SEC61A1: variants seen among roughly 807,000 people sequenced by gnomAD.
The protein encoded by SEC61A1 is SEC61 translocon subunit alpha 1.
In SEC61A1, 15 loss-of-function variants were observed where a neutral mutation model predicts 55.2. The observed-to-expected ratio is 0.27, with a 90% CI of 0.18 to 0.42. The LOEUF (loss-of-function observed/expected upper bound fraction) is 0.42, where lower values mean the gene tolerates loss of function less well. Ranked by LOEUF, SEC61A1 falls within the 10% of genes least tolerant of loss-of-function variation. The probability of loss-of-function intolerance (pLI) is 1.00; values close to 1 mark genes in which losing one functional copy is unlikely to be tolerated. For missense variants in SEC61A1, 284 were observed against 602.6 expected, an observed-to-expected ratio of 0.47 and a Z score of 5.53; for synonymous variants, 247 against 234.0, an observed-to-expected ratio of 1.06 and a Z score of -0.51.
intron 2 of SEC61A1, 116 bp downstream of exon 2, chr3:128,053,018 C>T: frequency 2.7e-6 from 2 of 730,718 alleles, no homozygotes; most frequent in Non-Finnish European, 4.6e-6. Flanking sequence ...CCTTCTCTTC[C>T]CTTGGAGTGT....
At chr3:128,053,772 C>T (rs1446767539) in intron 2 of SEC61A1, among the ~76,000 whole-genome samples, 2 of 152,190 alleles carry the variant, frequency 1.3e-5, no homozygotes, top group Non-Finnish European at 2.9e-5. Context: ...TAGGTCCCAC[C>T]CTTTACATAG....
upstream of SEC61A1, chr3:128,052,243 C>CCG: frequency 3.1e-6 from 1 of 322,614 alleles, no homozygotes; most frequent in Non-Finnish European, 5.5e-6. Context: ...CCGGCGGGCC[C>CCG]CGCGCGCCAG....
upstream of SEC61A1, chr3:128,052,425 C>T (rs971015098): frequency 8.0e-6 from 10 of 1,253,394 alleles, no homozygotes; most frequent in Admixed American, 2.1e-4. Flanking sequence ...CGCTTGCCGC[C>T]GGGCTAGCAC....
intron 4 of SEC61A1, 111 bp downstream of exon 4, chr3:128,055,862 T>C (rs1941762262): frequency 6.9e-6 from 6 of 871,816 alleles, no homozygotes; most frequent in Non-Finnish European, 9.3e-6. Context: ...ACTTGGAAAA[T>C]AGAGTGAAGA....
intron 4 of SEC61A1, 100 bp from the exon 5 acceptor site, chr3:128,056,609 A>G (rs1941774018): frequency 3.7e-6 from 4 of 1,079,988 alleles, no homozygotes; most frequent in Non-Finnish European, 5.1e-6. Flanking sequence ...CATTGGTTTT[A>G]TATAAGGGGT....
intron 4 of SEC61A1, among the ~76,000 whole-genome samples, chr3:128,056,048 A>G (rs1006229004): frequency 5.3e-5 from 8 of 152,238 alleles, no homozygotes; most frequent in African/African-American, 1.7e-4. Context: ...AATACCTGAA[A>G]TGATGACATT....
At position 128,071,142 on chromosome 3, in the gene SEC61A1, T is replaced by G. The variant is rs1029917605; in HGVS notation, c.*1480T>G. 4 of 152,354 alleles carry G rather than the reference T, an allele frequency of 2.6e-5. No homozygotes were observed. The highest frequency in any genetic ancestry group is 7.2e-5 in the African/African-American group (3 of 41,446). 9.4% of individuals were successfully genotyped at this position (152,354 alleles called of 1,614,324 possible). A position where few individuals can be genotyped will look rare whatever the true frequency, so the allele number is the denominator to read the frequency against. On this transcript the variant is annotated 3_prime_UTR_variant, in exon 12 of 12. Transcript: ENST00000243253. ...CACACTCTGGAGACCTTGCTGGCAG[T>G]GCTAGCCAGGAAACAGAGTGACCAA...
rs754518825 is a variant in SEC61A1, at chr3:128,056,698, G to C, written c.221-11G>C. The C allele has an allele frequency of 6.6e-7, 1 of 1,516,490 alleles. No homozygotes were observed. The highest frequency in any genetic ancestry group is 1.3e-5 in the South Asian group (1 of 76,186). 93.9% of individuals were successfully genotyped at this position (1,516,490 alleles called of 1,614,324 possible). A position where few individuals can be genotyped will look rare whatever the true frequency, so the allele number is the denominator to read the frequency against. Reference sequence around the variant, plus strand: ...CTGATATTGACTGTTTTGCTTCCCCGTTTCCTCAAGGCACATTGATGGAGC... The same window carrying C: ...CTGATATTGACTGTTTTGCTTCCCCCTTTCCTCAAGGCACATTGATGGAGC... On this transcript the variant is annotated splice_polypyrimidine_tract_variant and intron_variant, in intron 4 of 11. Transcript: ENST00000243253.
At chr3:128,053,383 G>A (rs1409497638) in intron 2 of SEC61A1, among the ~76,000 whole-genome samples, 2 of 152,176 alleles carry the variant, frequency 1.3e-5, no homozygotes, top group Non-Finnish European at 2.9e-5. Context: ...GGGGAATAAA[G>A]GCTATTCTTT....
At chr3:128,064,808 C>A in intron 7 of SEC61A1, 69 bp from the exon 8 acceptor site, 2 of 1,393,112 alleles carry the variant, frequency 1.4e-6, no homozygotes, top group African/African-American at 1.4e-5. Context: ...TATTTGTCTG[C>A]TAAGAAGGCT....
chr3:128,051,970 G>C, upstream of SEC61A1: 3 of 1,302,600 alleles, frequency 2.3e-6, no homozygotes, highest in South Asian at 1.3e-5. Context: ...ACTAGGTGAC[G>C]GGCGCCGCGG....
chr3:128,052,924 C>A, intron 2 of SEC61A1, 22 bp downstream of exon 2: 2 of 1,595,954 alleles, frequency 1.3e-6, no homozygotes, highest in Middle Eastern at 1.7e-4. Flanking sequence ...AAATCGCCAA[C>A]AAAGAAGGTT....
At chr3:128,064,221 C>T (rs577415599) in intron 7 of SEC61A1, among the ~76,000 whole-genome samples, 1 of 152,356 alleles carries the variant, frequency 6.6e-6, no homozygotes, top group South Asian at 2.1e-4. Context: ...GCCCCCTCTT[C>T]AGTGGATGAC....
In SEC61A1 at chr3:128,057,683, C is replaced by T. The variant is rs555853677; in HGVS notation, c.352+843C>T. On this transcript the variant is annotated intron_variant, in intron 5 of 11. Transcript: ENST00000243253. ...GACCAACCTGGCCAACATGGTGAAA[C>T]CCCATCTCTACTAAAAAAATACAAA... Among the ~76,000 whole-genome samples the T allele has an allele frequency of 9.6e-4, 76 of 78,782 alleles. No individual in the cohort carries two copies. The East Asian group carries it at 0.025, about 26-fold the overall frequency. 51.7% of individuals were successfully genotyped at this position (78,782 alleles called of 152,430 possible).
Position 128,070,020 on chromosome 3 carries a change from A to C in SEC61A1, c.*358A>C. ...TGTTTCCCCACAAAGGGAATTTCTC[A>C]CTCTGGTTGGAAGCACAAACACTGA... On this transcript the variant is annotated 3_prime_UTR_variant, in exon 12 of 12. Coordinates refer to ENST00000243253, the MANE Select transcript of SEC61A1 (RefSeq NM_013336.4). 1 of 174,116 alleles carries C rather than the reference A, an allele frequency of 5.7e-6. No individual in the cohort carries two copies. The allele number at this position is 174,116 out of a possible 1,614,324, so 10.8% of individuals were successfully genotyped here.
In SEC61A1 at chr3:128,052,473, G is replaced by T. The variant is rs1180027009; in HGVS notation, c.-80G>T. The T allele has an allele frequency of 1.3e-6, 2 of 1,544,300 alleles. No individual in the cohort carries two copies. The highest frequency in any genetic ancestry group is 1.7e-6 in the Non-Finnish European group (2 of 1,145,804). ...CGGCGGAGCTGCTGTGCAGTGGAAC[G>T]CGCTGGGCCGCGGGCAGCGTCGCCT... On this transcript the variant is annotated 5_prime_UTR_variant, in exon 1 of 12. Coordinates refer to ENST00000243253, the MANE Select transcript of SEC61A1 (RefSeq NM_013336.4).
intron 7 of SEC61A1, among the ~76,000 whole-genome samples, chr3:128,062,556 G>A (rs1941866523): frequency 6.6e-6 from 1 of 152,238 alleles, no homozygotes; most frequent in East Asian, 1.9e-4. Context: ...AGGGTGAGAT[G>A]AGGACATGAT....
chr3:128,069,761 A>G lies in SEC61A1; in HGVS notation c.*99A>G, dbSNP rs965990256. On this transcript the variant is annotated 3_prime_UTR_variant, in exon 12 of 12. Transcript: ENST00000243253. ...CTGCTGCGGCATATGGACTTTTAAT[A>G]ATGTTTTTGAATTTCGTATTCTTTC... is the stretch of plus-strand genomic sequence containing the variant. 4.1e-6 allele frequency: 4 copies of G among 963,862 alleles called. No homozygotes were observed. Among genetic ancestry groups the G allele is most frequent in the East Asian group, 2.5e-5 (1 of 40,386 alleles). The allele number at this position is 963,862 out of a possible 1,614,324, so 59.7% of individuals were successfully genotyped here.
At chr3:128,056,681 G>A in intron 4 of SEC61A1, 28 bp from the exon 5 acceptor site, 1 of 1,491,776 alleles carries the variant, frequency 6.7e-7, no homozygotes, top group Non-Finnish European at 9.0e-7. Context: ...AGCTGATATT[G>A]ACTGTTTTGC....
Sources: allele counts gnomAD v4.1 joint callset (sites outside exome capture counted in the v4.1 genomes callset), GRCh38; gene constraint gnomAD v4.1.1; transcripts MANE v1.5; gene names NCBI Gene and HGNC (gene_info 2026-07-23, HGNC 2026-07-21).